Variants in CWH43 observed in about 807,000 individuals in gnomAD.
CWH43 encodes PGAP2-interacting protein.
A neutral mutation model predicts 85.7 loss-of-function variants in CWH43; 91 were observed. That is an observed-to-expected ratio of 1.06 (90% CI 0.90 to 1.26). CWH43 has a LOEUF of 1.26. CWH43 is among the 50% of genes most tolerant of loss of function. The pLI is 0.00. For missense variants in CWH43, 869 were observed against 839.2 expected (o/e 1.04, Z -0.44); for synonymous variants, 323 against 293.6 (o/e 1.10, Z -1.02).
intron 7 of CWH43, among the ~76,000 whole-genome samples, chr4:49,004,780 A>G (rs1016922208): frequency 1.3e-5 from 2 of 152,222 alleles, no homozygotes; most frequent in Non-Finnish European, 2.9e-5. Context: ...AAATATATTT[A>G]CCATTTTAGT....
At chr4:48,996,682 T>C (rs1345370461) in intron 5 of CWH43, among the ~76,000 whole-genome samples, 3 of 152,318 alleles carry the variant, frequency 2.0e-5, no homozygotes, top group East Asian at 3.9e-4. Flanking sequence ...TAATGGTAAA[T>C]GGTGAGTCCT....
At chr4:49,017,787 A>G (rs1783604549) in intron 9 of CWH43, among the ~76,000 whole-genome samples, 1 of 152,022 alleles carries the variant, frequency 6.6e-6, no homozygotes, top group Non-Finnish European at 1.5e-5. Flanking sequence ...GGAGCTAGTT[A>G]TCTTATGTGG....
intron 9 of CWH43, 22 bp from the exon 10 acceptor site, chr4:49,028,607 T>C (rs1215458930): frequency 1.3e-6 from 2 of 1,572,674 alleles, no homozygotes; most frequent in Admixed American, 1.7e-5. Flanking sequence ...CATCCTAAAC[T>C]ACCATTAAAA....
chr4:49,023,519 C>T (rs1312787233), intron 9 of CWH43, among the ~76,000 whole-genome samples: 1 of 152,156 alleles, frequency 6.6e-6, no homozygotes, highest in Non-Finnish European at 1.5e-5. Flanking sequence ...GGATTACAGG[C>T]ATGCACCACC....
chr4:49,055,913 C>T (rs1229765984), intron 15 of CWH43, among the ~76,000 whole-genome samples: 1 of 141,994 alleles, frequency 7.0e-6, no homozygotes, highest in African/African-American at 2.6e-5. Flanking sequence ...TTCTTTTTTT[C>T]TTTTTTTTTT....
At chr4:48,997,710 A>G (rs1378578618) in intron 5 of CWH43, among the ~76,000 whole-genome samples, 1 of 152,090 alleles carries the variant, frequency 6.6e-6, no homozygotes, top group Non-Finnish European at 1.5e-5. Flanking sequence ...TTACTTACAT[A>G]CCCTTTCCCC....
At chr4:49,015,705 G>A (rs534476824) in intron 8 of CWH43, among the ~76,000 whole-genome samples, 1 of 151,880 alleles carries the variant, frequency 6.6e-6, no homozygotes, top group South Asian at 2.1e-4. Flanking sequence ...GTTTTCCATT[G>A]CTGTTAACCT....
rs1784324380 is a variant in CWH43, at chr4:49,038,310, A to G, written c.1803+130A>G. ...ATCTACTGCTGCCTAGAAAATCACC[A>G]CAAAACATGTGAGCTTAAAACAACA... On this transcript the variant is annotated intron_variant, in intron 13 of 15. Transcript: ENST00000226432. 5.8e-6 allele frequency: 4 copies of G among 693,078 alleles called. No homozygotes were observed. The East Asian group carries it at 1.1e-4, about 20-fold the overall frequency. 42.9% of individuals were successfully genotyped at this position (693,078 alleles called of 1,614,324 possible).
At chr4:49,031,062 C>T in intron 11 of CWH43, 102 bp downstream of exon 11, 2 of 1,121,076 alleles carry the variant, frequency 1.8e-6, no homozygotes, top group Non-Finnish European at 2.5e-6. Context: ...GGTGAATGTG[C>T]CCCAGTGATG....
chr4:49,060,280 G>T (rs2109854747), intron 15 of CWH43, among the ~76,000 whole-genome samples: 1 of 152,258 alleles, frequency 6.6e-6, no homozygotes, highest in Admixed American at 6.5e-5. Flanking sequence ...GGGACCACAG[G>T]GCTGGCCTGG....
chr4:48,997,940 T>C (rs1199416558), intron 5 of CWH43, among the ~76,000 whole-genome samples: 2 of 152,204 alleles, frequency 1.3e-5, no homozygotes, highest in East Asian at 3.8e-4. Flanking sequence ...GTCAAATTTC[T>C]TTTTTCCTCC....
At chr4:49,017,518 A>G (rs1374037164) in intron 9 of CWH43, among the ~76,000 whole-genome samples, 190 bp downstream of exon 9, 1 of 152,208 alleles carries the variant, frequency 6.6e-6, no homozygotes, top group African/African-American at 2.4e-5. Flanking sequence ...TTGGAATAGG[A>G]TAGGCCCATA....
intron 14 of CWH43, among the ~76,000 whole-genome samples, chr4:49,048,423 A>G (rs186596255): frequency 6.6e-6 from 1 of 151,344 alleles, no homozygotes; most frequent in East Asian, 1.9e-4. Context: ...GATATCATAT[A>G]TATATTTATT....
At chr4:49,002,983 C>A (rs1306432301) in intron 6 of CWH43, among the ~76,000 whole-genome samples, 1 of 152,114 alleles carries the variant, frequency 6.6e-6, no homozygotes, top group Non-Finnish European at 1.5e-5. Flanking sequence ...GCCATATTTT[C>A]TATGGAAAGG....
chr4:49,021,435 T>A (rs1783748071), intron 9 of CWH43, among the ~76,000 whole-genome samples: 2 of 152,352 alleles, frequency 1.3e-5, no homozygotes, highest in South Asian at 4.1e-4. Context: ...ACCAGTACCA[T>A]GCTGTTTTTG....
chr4:49,009,642 T>A (rs933813722), intron 8 of CWH43, among the ~76,000 whole-genome samples: 3 of 152,208 alleles, frequency 2.0e-5, no homozygotes, highest in African/African-American at 7.2e-5. Flanking sequence ...TATTTTCAGA[T>A]ATATTCCATT....
Position 49,050,749 on chromosome 4 carries a change from G to A in CWH43, c.1921G>A (p.Ala641Thr), listed in dbSNP as rs1304751485. 2 of 1,612,184 alleles carry A rather than the reference G, an allele frequency of 1.2e-6. No homozygotes were observed. Among genetic ancestry groups the A allele is most frequent in the African/African-American group, 2.7e-5 (2 of 74,872 alleles). ...AELSDSEIQM[A>T]KFRIPDDPTN... ...ACTGAGTGATTCAGAAATTCAGATG[G>A]CAAAATTTAGGATCCCTGATGACCC... Residue 641 changes from alanine to threonine, a missense_variant, in exon 15 of 16, where the codon GCA becomes ACA. By Grantham distance (58) the Ala-to-Thr change is moderately conservative. This residue lies in a region of CWH43 where 577 missense variants were observed against 513.1 expected (regional missense o/e 1.12). Transcript: ENST00000226432.
chr4:49,033,123 G>T (rs1020471711), intron 12 of CWH43, among the ~76,000 whole-genome samples: 2 of 152,152 alleles, frequency 1.3e-5, no homozygotes, highest in African/African-American at 4.8e-5. Flanking sequence ...CCCAAACCCA[G>T]GGTTACAAGT....
At chr4:49,022,290 G>A (rs528859032) in intron 9 of CWH43, among the ~76,000 whole-genome samples, 15 of 152,112 alleles carry the variant, frequency 9.9e-5, no homozygotes, top group African/African-American at 3.4e-4. Context: ...TGCTTTTTCT[G>A]TGTCTATTGA....
Sources: allele counts gnomAD v4.1 joint callset (sites outside exome capture counted in the v4.1 genomes callset), GRCh38; gene constraint gnomAD v4.1.1; regional missense constraint gnomAD v4.1.1; transcripts MANE v1.5; gene names NCBI Gene and HGNC (gene_info 2026-07-23, HGNC 2026-07-21).